Variants in TCAF1 observed in about 807,000 individuals in gnomAD.
The protein encoded by TCAF1 is TRPM8 channel associated factor 1, also known as TRPM8 channel-associated factor 1.
TCAF1 carries 4 observed loss-of-function variants against 27.3 expected under a neutral mutation model. The observed-to-expected ratio is 0.15, with a 90% confidence interval of 0.07 to 0.34. The LOEUF (loss-of-function observed/expected upper bound fraction) is 0.34. Ranked by LOEUF, TCAF1 falls within the 10% of genes least tolerant of loss-of-function variation. TCAF1 has a pLI of 1.00. For missense variants in TCAF1, 257 were observed against 425.8 expected, an observed-to-expected ratio of 0.60 and a Z score of 3.49; for synonymous variants, 105 against 167.1, an observed-to-expected ratio of 0.63 and a Z score of 2.87.
chr7:143,877,947 C>T (rs1016363621), intron 1 of TCAF1, among the ~76,000 whole-genome samples: 5 of 152,216 alleles, frequency 3.3e-5, no homozygotes, highest in Admixed American at 1.3e-4. Flanking sequence ...ATAATATGCT[C>T]ACTCCCAACA....
At position 143,882,966 on chromosome 7, in the gene TCAF1, G is replaced by A. The variant is rs1045115061; in HGVS notation, c.-14-6344C>T. ...GCTCCAGGGGGCGGCGCTTGGCGGG[G>A]GACAGCGCTTCTTTGTGTCGCCGGC... is the stretch of plus-strand genomic sequence containing the variant. On this transcript the variant is annotated intron_variant, in intron 1 of 8. Transcript: ENST00000479870. 1.2e-5 allele frequency: 9 copies of A among 770,822 alleles called. No homozygotes were observed. The African/African-American group carries it at 1.5e-4, about 13-fold the overall frequency. 47.7% of individuals were successfully genotyped at this position (770,822 alleles called of 1,614,324 possible).
At chr7:143,877,003 T>C (rs1337794525) in intron 1 of TCAF1, among the ~76,000 whole-genome samples, 1 of 152,064 alleles carries the variant, frequency 6.6e-6, no homozygotes, top group Non-Finnish European at 1.5e-5. Context: ...TTCAAATGGG[T>C]CATAGTCCAA....
intron 1 of TCAF1, among the ~76,000 whole-genome samples, chr7:143,883,617 T>C (rs908656571): frequency 4.0e-5 from 6 of 148,280 alleles, no homozygotes; most frequent in East Asian, 2.1e-4. Context: ...GAGATTCTCC[T>C]GCCTCAGCCT....
At chr7:143,882,463 C>G in intron 1 of TCAF1, 3 of 985,428 alleles carry the variant, frequency 3.0e-6, no homozygotes, top group Non-Finnish European at 3.6e-6. Flanking sequence ...ACACAAACAT[C>G]AGATGTCAGA....
At chr7:143,898,727 T>G (rs1813997450) in intron 1 of TCAF1, among the ~76,000 whole-genome samples, 1 of 152,210 alleles carries the variant, frequency 6.6e-6, no homozygotes, top group Admixed American at 6.5e-5. Flanking sequence ...GCCAATGTCT[T>G]AGAAATAATT....
intron 2 of TCAF1, among the ~76,000 whole-genome samples, chr7:143,873,250 T>TA (rs1348863889): frequency 2.4e-5 from 1 of 41,212 alleles, no homozygotes; most frequent in African/African-American, 9.6e-5. Flanking sequence ...AGATGACACT[T>TA]ATGGAATCCT....
intron 1 of TCAF1, among the ~76,000 whole-genome samples, chr7:143,887,389 G>A (rs1312308246): frequency 6.6e-6 from 1 of 152,136 alleles, no homozygotes; most frequent in Non-Finnish European, 1.5e-5. Context: ...ATAATTGCGT[G>A]TTTATGTTTA....
At chr7:143,876,683 G>T (rs917980172) in intron 1 of TCAF1, 61 bp from the exon 2 acceptor site, 2 of 1,337,528 alleles carry the variant, frequency 1.5e-6, no homozygotes, top group South Asian at 2.1e-5. Flanking sequence ...GAAACAAATA[G>T]AGCAGTTCAC....
chr7:143,889,927 G>C (rs1044119864), intron 1 of TCAF1, among the ~76,000 whole-genome samples: 1 of 152,146 alleles, frequency 6.6e-6, no homozygotes, highest in Non-Finnish European at 1.5e-5. Context: ...ATCCACCTTA[G>C]AGTCCTGATT....
intron 1 of TCAF1, among the ~76,000 whole-genome samples, chr7:143,879,328 ATACT>A (rs1029719403): frequency 3.9e-5 from 6 of 152,228 alleles, no homozygotes; most frequent in African/African-American, 1.4e-4. Context: ...AAAAAAGATG[ATACT>A]TCTTTCTAGG....
intron 2 of TCAF1, among the ~76,000 whole-genome samples, chr7:143,868,964 T>C (rs1812302710): frequency 1.2e-5 from 1 of 84,046 alleles, no homozygotes; most frequent in Non-Finnish European, 2.5e-5. Context: ...ATATTTTGTA[T>C]GTGTATTATT....
intron 1 of TCAF1, among the ~76,000 whole-genome samples, chr7:143,895,908 G>A (rs1489781983): frequency 8.3e-6 from 1 of 120,112 alleles, no homozygotes; most frequent in Admixed American, 1.0e-4. Context: ...AGAAAAAAAT[G>A]GGCAAAGAAA....
rs1265397784 is a variant in TCAF1, at chr7:143,852,507, G to C, written c.*1626C>G. On this transcript the variant is annotated 3_prime_UTR_variant, in exon 9 of 9. Transcript: ENST00000479870. The stretch of plus-strand genomic sequence containing the variant: ...ACTTCCTCAGTAAGGGTGCAAAGGA[G>C]ACTTTCTGAAAATTTGCCTGACAGA... 2 of 153,528 alleles carry C rather than the reference G, an allele frequency of 1.3e-5. No homozygotes were observed. Among genetic ancestry groups the C allele is most frequent in the Non-Finnish European group, 2.9e-5 (2 of 68,250 alleles). The allele number at this position is 153,528 out of a possible 1,614,324, so 9.5% of individuals were successfully genotyped here. A position where few individuals can be genotyped will look rare whatever the true frequency, so the allele number is the denominator to read the frequency against.
rs1811390594 is a variant in TCAF1 at position 143,852,876 on chromosome 7, C to T, written c.*1257G>A. On this transcript the variant is annotated 3_prime_UTR_variant, in exon 9 of 9. Transcript: ENST00000479870. ...CTTTTTCTTTTTATTTCTTCACCTA[C>T]ACTGTCTCTGTTCTCTCTTCCAGGA... The T allele has an allele frequency of 6.8e-6, 1 of 147,936 alleles. No homozygotes were observed. Among genetic ancestry groups the T allele is most frequent in the African/African-American group, 2.5e-5 (1 of 39,318 alleles). The allele number at this position is 147,936 out of a possible 1,614,324, so 9.2% of individuals were successfully genotyped here.
At position 143,876,605 on chromosome 7, in the gene TCAF1, C is replaced by A. The variant is rs980011806; in HGVS notation, c.4G>T (p.Ala2Ser). 13 of 1,504,538 alleles carry A rather than the reference C, an allele frequency of 8.6e-6. No individual in the cohort carries two copies. In the Admixed American group the frequency reaches 2.5e-4, roughly 29 times the overall value. 93.2% of individuals were successfully genotyped at this position (1,504,538 alleles called of 1,614,324 possible). ...GCCTCGAAGGCAGCAGAGGGAGTCG[C>A]CATGGCTCTATTGGTTTCTGCAGAG... is the stretch of plus-strand genomic sequence containing the variant. M[A>S]TPSAAFEALM... The change falls in exon 2 of 9, where the codon GCG becomes TCG. Residue 2 changes from alanine to serine, a missense_variant. Around this residue, in one of 2 missense-constraint regions of TCAF1, gnomAD observed 255 missense variants for 260.1 expected, o/e 0.98. Coordinates refer to ENST00000479870, the MANE Select transcript of TCAF1 (RefSeq NM_014719.3).
intron 1 of TCAF1, among the ~76,000 whole-genome samples, chr7:143,895,170 A>C (rs1387601164): frequency 1.3e-5 from 2 of 151,862 alleles, no homozygotes; most frequent in Non-Finnish European, 3.0e-5. Flanking sequence ...GTCTGACATT[A>C]TTTAGGCTGA....
At chr7:143,870,354 AGGCATATCTTTCTTAGC>A (rs1812395996) in intron 2 of TCAF1, among the ~76,000 whole-genome samples, 1 of 152,082 alleles carries the variant, frequency 6.6e-6, no homozygotes, top group Admixed American at 6.6e-5. Flanking sequence ...AAGTATTTAA[AGGCATATCTTTCTTAGC>A]ACTGTTTTAA....
At chr7:143,875,332 A>G (rs1355150500) in intron 2 of TCAF1, among the ~76,000 whole-genome samples, 1 of 152,166 alleles carries the variant, frequency 6.6e-6, no homozygotes, top group African/African-American at 2.4e-5. Flanking sequence ...CTGACCTGCT[A>G]TCTGTTAGGC....
chr7:143,884,133 G>A (rs546840880), intron 1 of TCAF1, among the ~76,000 whole-genome samples: 2 of 152,082 alleles, frequency 1.3e-5, no homozygotes, highest in African/African-American at 4.8e-5. Flanking sequence ...TCTGGTATAC[G>A]GTAAGACTGG....
Sources: allele counts gnomAD v4.1 joint callset (sites outside exome capture counted in the v4.1 genomes callset), GRCh38; gene constraint gnomAD v4.1.1; regional missense constraint gnomAD v4.1.1; transcripts MANE v1.5; gene names NCBI Gene and HGNC (gene_info 2026-07-23, HGNC 2026-07-21).